The following NBAS variants were observed in gnomAD, a reference collection of about 807,000 sequenced individuals.
The protein encoded by NBAS is NBAS subunit of NRZ tethering complex.
Under a neutral mutation model 302.5 loss-of-function variants are expected in NBAS, and 219 were observed. The observed-to-expected ratio is 0.72, with a 90% CI of 0.65 to 0.81. The LOEUF is 0.81. Ranked by LOEUF, NBAS falls within the 30% of genes least tolerant of loss-of-function variation. NBAS has a pLI of 0.00. For synonymous variants in NBAS, 1,118 were observed against 1,021.6 expected (o/e 1.09, Z -1.80); for missense variants, 2,932 against 2,841.6 (o/e 1.03, Z -0.72).
intron 44 of NBAS, among the ~76,000 whole-genome samples, chr2:15,246,608 G>T (rs1224280268): frequency 1.3e-5 from 2 of 152,142 alleles, no homozygotes; most frequent in Non-Finnish European, 2.9e-5. Flanking sequence ...GAAGGCCCTA[G>T]GAGACATTTA....
the NBAS span, among the ~76,000 whole-genome samples, chr2:15,119,936 C>T: frequency 1.3e-5 from 2 of 152,160 alleles, no homozygotes. Flanking sequence ...CAGGAAGTGG[C>T]CCACCTGCAA....
the NBAS span, among the ~76,000 whole-genome samples, chr2:15,102,131 G>T: frequency 1.3e-5 from 2 of 152,234 alleles, no homozygotes; most frequent in African/African-American, 4.8e-5. Flanking sequence ...AGTTCTGAGG[G>T]AGAAGCATCC....
At chr2:15,554,223 A>C in intron 3 of NBAS, 85 bp from the exon 4 acceptor site, 3 of 1,106,674 alleles carry the variant, frequency 2.7e-6, no homozygotes, top group African/African-American at 1.6e-5. Context: ...ACTTATAGAG[A>C]GAGACACAGA....
At chr2:15,266,468 C>T (rs1271248916) in intron 44 of NBAS, among the ~76,000 whole-genome samples, 2 of 152,158 alleles carry the variant, frequency 1.3e-5, no homozygotes, top group Admixed American at 6.5e-5. Flanking sequence ...CCTCAAATCT[C>T]TCCTGCTATT....
chr2:15,372,745 T>G (rs1263300862), intron 31 of NBAS, among the ~76,000 whole-genome samples: 1 of 152,180 alleles, frequency 6.6e-6, no homozygotes, highest in Non-Finnish European at 1.5e-5. Context: ...CAGAAAATTC[T>G]CAGAAGCCAC....
In NBAS at chr2:15,208,119, C is replaced by A. The variant is rs187073276; in HGVS notation, c.6432+10654G>T. On this transcript the variant is annotated intron_variant, in intron 48 of 51. Transcript: ENST00000281513. Reference sequence around the variant, plus strand: ...TCTGCTGATAAAGACATACCCATGACTGAATAATTTATAACGAAAAAGAGG... The same window carrying A: ...TCTGCTGATAAAGACATACCCATGAATGAATAATTTATAACGAAAAAGAGG... 5.9e-5 allele frequency among the ~76,000 whole-genome samples: 9 copies of A among 152,216 alleles called. No homozygotes were observed. In the East Asian group the frequency reaches 1.7e-3, roughly 29 times the overall value.
At chr2:14,941,133 A>C in the NBAS span, among the ~76,000 whole-genome samples, 1 of 152,238 alleles carries the variant, frequency 6.6e-6, no homozygotes, top group Admixed American at 6.5e-5. Flanking sequence ...AGTGTCTGAC[A>C]AAACTTCCAT....
chr2:15,062,670 A>G, the NBAS span, among the ~76,000 whole-genome samples: 1 of 152,194 alleles, frequency 6.6e-6, no homozygotes, highest in Non-Finnish European at 1.5e-5. Flanking sequence ...GGATTTAGAC[A>G]TTGTCATCTC....
chr2:15,402,115 TTAAC>T, intron 26 of NBAS, 49 bp downstream of exon 26: 1 of 1,607,592 alleles, frequency 6.2e-7, no homozygotes, highest in East Asian at 2.2e-5. Flanking sequence ...CGTTTTTGTT[TTAAC>T]TGTTAGAATA....
the NBAS span, among the ~76,000 whole-genome samples, chr2:14,943,145 G>A: frequency 6.6e-5 from 10 of 152,260 alleles, no homozygotes; most frequent in Middle Eastern, 3.4e-3. Context: ...CAAATGAGCC[G>A]TTCTAATGCA....
chr2:14,938,003 A>G, the NBAS span, among the ~76,000 whole-genome samples: 1 of 152,060 alleles, frequency 6.6e-6, no homozygotes, highest in Non-Finnish European at 1.5e-5. Context: ...TGGTACGCAC[A>G]TGTAATCCTA....
At chr2:15,557,486 CAA>C (rs1331650323) in intron 2 of NBAS, among the ~76,000 whole-genome samples, 1 of 151,948 alleles carries the variant, frequency 6.6e-6, no homozygotes, top group Non-Finnish European at 1.5e-5. Flanking sequence ...TCTAAATTCT[CAA>C]AATTTAAAAG....
chr2:15,543,850 T>C (rs993421662), intron 6 of NBAS, among the ~76,000 whole-genome samples: 20 of 152,336 alleles, frequency 1.3e-4, no homozygotes, highest in Non-Finnish European at 2.5e-4. Context: ...AGACATTTTA[T>C]TGTCTGCCTT....
At chr2:14,966,221 G>T in the NBAS span, among the ~76,000 whole-genome samples, 1 of 152,180 alleles carries the variant, frequency 6.6e-6, no homozygotes, top group African/African-American at 2.4e-5. Flanking sequence ...AATTTCTGTT[G>T]TTTCCAACCA....
intron 16 of NBAS, among the ~76,000 whole-genome samples, chr2:15,470,922 TTGCAATCCAGC>T (rs1296811609): frequency 6.6e-6 from 1 of 152,032 alleles, no homozygotes; most frequent in Non-Finnish European, 1.5e-5. Flanking sequence ...GATCGCACCA[TTGCAATCCAGC>T]CTGGGCAAAA....
intron 5 of NBAS, among the ~76,000 whole-genome samples, chr2:15,552,300 A>G (rs554226350): frequency 3.2e-4 from 48 of 152,308 alleles, no homozygotes; most frequent in African/African-American, 9.1e-4. Context: ...TGTGCACCCA[A>G]TGAAATATTA....
chr2:15,416,732 G>A (rs563855450), intron 24 of NBAS, among the ~76,000 whole-genome samples: 1 of 151,674 alleles, frequency 6.6e-6, no homozygotes, highest in South Asian at 2.1e-4. Context: ...CTTGAACCCA[G>A]GAGATGGAGG....
At chr2:15,102,293 C>G in the NBAS span, among the ~76,000 whole-genome samples, 2 of 152,142 alleles carry the variant, frequency 1.3e-5, no homozygotes, top group Non-Finnish European at 2.9e-5. Context: ...ATGGCTGGGA[C>G]TATTACAAGA....
chr2:15,117,274 C>T, the NBAS span, among the ~76,000 whole-genome samples: 1 of 152,116 alleles, frequency 6.6e-6, no homozygotes, highest in Non-Finnish European at 1.5e-5. Flanking sequence ...GGCTGAACAC[C>T]CTGGCAGATA....
Sources: allele counts gnomAD v4.1 joint callset (sites outside exome capture counted in the v4.1 genomes callset), GRCh38; gene constraint gnomAD v4.1.1; transcripts MANE v1.5; gene names NCBI Gene and HGNC (gene_info 2026-07-23, HGNC 2026-07-21).